The following CSMD1 variants were observed in gnomAD, a reference collection of about 807,000 sequenced individuals.
The protein encoded by CSMD1 is CUB and Sushi multiple domains 1, also known as CUB and sushi domain-containing protein 1.
A neutral mutation model predicts 417.5 loss-of-function variants in CSMD1; 213 were observed. The ratio of observed to expected loss-of-function variants is 0.51; its 90% CI spans 0.46 to 0.57. The LOEUF (loss-of-function observed/expected upper bound fraction) is 0.57, where lower values mean the gene tolerates loss of function less well. Among genes scored for constraint, CSMD1 ranks in the 20% least tolerant of loss-of-function variants. The pLI, the probability that CSMD1 is intolerant of heterozygous loss-of-function variation, is 0.00. For missense variants in CSMD1, 6,923 were observed against 4,529.7 expected (o/e 1.53, Z -15.17); for synonymous variants, 2,862 against 1,736.8 (o/e 1.65, Z -16.11).
At chr8:4,273,377 T>G (rs1363436540) in intron 3 of CSMD1, among the ~76,000 whole-genome samples, 1 of 152,128 alleles carries the variant, frequency 6.6e-6, no homozygotes, top group Non-Finnish European at 1.5e-5. Context: ...ATGGATGGGT[T>G]TCTGGATTTC....
At chr8:4,432,574 C>G (rs868327326) in intron 2 of CSMD1, among the ~76,000 whole-genome samples, 13 of 152,144 alleles carry the variant, frequency 8.5e-5, no homozygotes, top group Admixed American at 3.9e-4. Context: ...GACTTAAAGA[C>G]AGGCAGTAAA....
At chr8:4,211,958 TTA>T (rs1491183930) in intron 3 of CSMD1, among the ~76,000 whole-genome samples, 2 of 152,152 alleles carry the variant, frequency 1.3e-5, no homozygotes, top group Non-Finnish European at 2.9e-5. Flanking sequence ...TATTCCTATC[TTA>T]GAGACATTTT....
intron 52 of CSMD1, among the ~76,000 whole-genome samples, chr8:3,011,918 A>T (rs1017951299): frequency 6.6e-6 from 1 of 152,234 alleles, no homozygotes; most frequent in Non-Finnish European, 1.5e-5. Flanking sequence ...GATCATGTAG[A>T]TCACAAACTT....
At chr8:2,974,281 A>G (rs757333293) in intron 56 of CSMD1, among the ~76,000 whole-genome samples, 170 bp downstream of exon 56, 1 of 152,256 alleles carries the variant, frequency 6.6e-6, no homozygotes, top group Non-Finnish European at 1.5e-5. Context: ...GCGAAGATGA[A>G]GACAATATCT....
At chr8:4,735,936 T>A (rs544606175) in intron 1 of CSMD1, among the ~76,000 whole-genome samples, 161 of 152,204 alleles carry the variant, frequency 1.1e-3, no homozygotes, top group Non-Finnish European at 1.8e-3. Flanking sequence ...AGCCACCGGT[T>A]GCAACATAAA....
At chr8:3,343,668 T>G (rs1807804173) in intron 22 of CSMD1, among the ~76,000 whole-genome samples, 1 of 152,242 alleles carries the variant, frequency 6.6e-6, no homozygotes, top group Non-Finnish European at 1.5e-5. Flanking sequence ...GATTCCATTC[T>G]TGTTCAGATC....
At chr8:3,187,191 G>A (rs1217711587) in intron 36 of CSMD1, among the ~76,000 whole-genome samples, 1 of 152,202 alleles carries the variant, frequency 6.6e-6, no homozygotes, top group Non-Finnish European at 1.5e-5. Context: ...TGAAGTTTGA[G>A]TCCTAATGCT....
intron 3 of CSMD1, among the ~76,000 whole-genome samples, chr8:4,360,454 G>C (rs905206401): frequency 6.6e-6 from 1 of 152,060 alleles, no homozygotes; most frequent in Non-Finnish European, 1.5e-5. Context: ...AGAAGAGCCC[G>C]TTATCATAAC....
chr8:4,804,379 G>A (rs1798472466), intron 1 of CSMD1, among the ~76,000 whole-genome samples: 1 of 152,038 alleles, frequency 6.6e-6, no homozygotes, highest in South Asian at 2.1e-4. Flanking sequence ...TTTGATGCAG[G>A]TATTTTAAGA....
intron 5 of CSMD1, among the ~76,000 whole-genome samples, chr8:3,968,668 T>C (rs972586669): frequency 6.6e-6 from 1 of 152,134 alleles, no homozygotes; most frequent in Non-Finnish European, 1.5e-5. Flanking sequence ...TCCCGAAAGC[T>C]GATAGTGTTA....
intron 25 of CSMD1, among the ~76,000 whole-genome samples, chr8:3,293,917 T>A (rs997606654): frequency 1.3e-5 from 2 of 152,196 alleles, no homozygotes; most frequent in African/African-American, 4.8e-5. Flanking sequence ...ATTTTTAGTT[T>A]GCAGTTTTTC....
chr8:4,808,746 T>C (rs571663677), intron 1 of CSMD1, among the ~76,000 whole-genome samples: 87 of 152,316 alleles, frequency 5.7e-4, no homozygotes, highest in South Asian at 1.2e-3. Flanking sequence ...TGGGAGAACA[T>C]TAAAACATAA....
chr8:4,869,427 T>A (rs1191860616), intron 1 of CSMD1, among the ~76,000 whole-genome samples: 1 of 152,050 alleles, frequency 6.6e-6, no homozygotes, highest in East Asian at 1.9e-4. Context: ...TACCAAATAT[T>A]TGGTAATCAC....
intron 3 of CSMD1, among the ~76,000 whole-genome samples, chr8:4,390,059 G>A (rs928229337): frequency 1.3e-5 from 2 of 152,090 alleles, no homozygotes; most frequent in Admixed American, 1.3e-4. Context: ...ATTTTCTAGA[G>A]CAATTTGAGA....
intron 4 of CSMD1, among the ~76,000 whole-genome samples, chr8:3,999,055 T>C (rs969475563): frequency 1.3e-5 from 2 of 150,318 alleles, no homozygotes; most frequent in East Asian, 1.9e-4. Flanking sequence ...AGCTATGTTA[T>C]ATATATAAAT....
At chr8:4,306,943 C>T (rs908075834) in intron 3 of CSMD1, among the ~76,000 whole-genome samples, 7 of 152,134 alleles carry the variant, frequency 4.6e-5, no homozygotes, top group Non-Finnish European at 8.8e-5. Context: ...CAGTATCTGT[C>T]GATCCTACCC....
At chr8:4,045,584 A>G (rs536747792) in intron 3 of CSMD1, among the ~76,000 whole-genome samples, 2 of 152,314 alleles carry the variant, frequency 1.3e-5, no homozygotes, top group South Asian at 2.1e-4. Flanking sequence ...CTTTAGAATG[A>G]AAGAAACTCA....
chr8:4,537,181 A>C (rs1261983616), intron 2 of CSMD1, among the ~76,000 whole-genome samples: 1 of 152,208 alleles, frequency 6.6e-6, no homozygotes, highest in African/African-American at 2.4e-5. Flanking sequence ...TGAGACTACT[A>C]TTTATATATC....
intron 2 of CSMD1, among the ~76,000 whole-genome samples, chr8:4,467,941 T>G (rs554559061): frequency 6.6e-6 from 1 of 152,248 alleles, no homozygotes; most frequent in Non-Finnish European, 1.5e-5. Context: ...ATTCCTGAAC[T>G]AACAAAGTAA....
Sources: gnomAD v4.1 joint callset for allele counts (sites outside exome capture counted in the v4.1 genomes callset) on GRCh38, gnomAD v4.1.1 for gene constraint, MANE v1.5 for transcripts, NCBI Gene and HGNC (gene_info 2026-07-23, HGNC 2026-07-21) for gene names.